PEAK1: variants seen among roughly 807,000 people sequenced by gnomAD.
PEAK1 encodes the protein pseudopodium enriched atypical kinase 1, also known as inactive tyrosine-protein kinase PEAK1.
Under a neutral mutation model 124.7 loss-of-function variants are expected in PEAK1, and 54 were observed. The observed-to-expected ratio is 0.43, with a 90% CI of 0.35 to 0.54. PEAK1 has a LOEUF of 0.54. Ranked by LOEUF, PEAK1 falls within the 20% of genes least tolerant of loss-of-function variation. The pLI is 0.01. For missense variants in PEAK1, 2,046 were observed against 2,134.5 expected (o/e 0.96, Z 0.82); for synonymous variants, 719 against 760.0 (o/e 0.95, Z 0.89).
At chr15:77,265,435 A>G (rs2152946505) in intron 5 of PEAK1, among the ~76,000 whole-genome samples, 1 of 152,338 alleles carries the variant, frequency 6.6e-6, no homozygotes, top group Non-Finnish European at 1.5e-5. Flanking sequence ...CCCATCAAAA[A>G]GTGGGCGAAG....
chr15:77,250,691 C>A lies in PEAK1; in HGVS notation c.-115+1676G>T, dbSNP rs149958409. ...CTTGTGATCTGCCTGCCTCAGCCTC[C>A]CAAAGTGCTGGGATTACAGGCGTAT... is the stretch of plus-strand genomic sequence containing the variant. On this transcript the variant is annotated intron_variant, in intron 6 of 9. Coordinates refer to ENST00000682557, the MANE Select transcript of PEAK1 (RefSeq NM_001385026.1). 4.5e-3 allele frequency among the ~76,000 whole-genome samples: 684 copies of A among 152,164 alleles called. 5 individuals are homozygous for A. Among genetic ancestry groups the A allele is most frequent in the African/African-American group, 0.016 (655 of 41,506 alleles).
At chr15:77,161,108 A>C (rs1009442246) in intron 7 of PEAK1, among the ~76,000 whole-genome samples, 1 of 152,230 alleles carries the variant, frequency 6.6e-6, no homozygotes, top group Admixed American at 6.5e-5. Flanking sequence ...AAATATTAGA[A>C]AACTCACCCG....
chr15:77,180,881 G>A lies in PEAK1; in HGVS notation c.1046C>T (p.Thr349Ile). 3.1e-6 allele frequency: 5 copies of A among 1,613,846 alleles called. No individual in the cohort carries two copies. The highest frequency in any genetic ancestry group is 4.2e-6 in the Non-Finnish European group (5 of 1,179,864). Residue 349 changes from threonine to isoleucine, a missense_variant, in exon 7 of 10, where the codon ACA becomes ATA. By Grantham distance (89) the Thr-to-Ile change is moderately conservative. Coordinates refer to ENST00000682557, the MANE Select transcript of PEAK1 (RefSeq NM_001385026.1). ...SDSTSPDSSL[T>I]EESRSETASS... The stretch of plus-strand genomic sequence containing the variant: ...GGCTGTCTCAGAACGTGATTCTTCT[G>A]TTAAAGAAGAATCTGGTGATGTGGA...
intron 1 of PEAK1, among the ~76,000 whole-genome samples, chr15:77,390,995 G>A (rs918172096): frequency 6.6e-6 from 1 of 152,194 alleles, no homozygotes; most frequent in African/African-American, 2.4e-5. Flanking sequence ...CCCTAGGACT[G>A]TGAGGGTGCA....
At chr15:77,267,614 C>T (rs897142999) in intron 5 of PEAK1, among the ~76,000 whole-genome samples, 1 of 152,166 alleles carries the variant, frequency 6.6e-6, no homozygotes, top group Non-Finnish European at 1.5e-5. Flanking sequence ...ACAGAAATAA[C>T]AATCACTGCA....
chr15:77,102,269 T>A (rs1184009310), exon 7 of PEAK1: 1 of 152,258 alleles, frequency 6.6e-6, no homozygotes, highest in Non-Finnish European at 1.5e-5. Flanking sequence ...ATGTTCCTAA[T>A]GATTTGTATC....
intron 5 of PEAK1, among the ~76,000 whole-genome samples, chr15:77,264,115 A>G (rs2061589756): frequency 6.6e-6 from 1 of 152,234 alleles, no homozygotes; most frequent in Non-Finnish European, 1.5e-5. Flanking sequence ...CAAAATAATA[A>G]GAGCTATCTG....
intron 2 of PEAK1, chr15:77,333,381 G>C (rs1008294113): frequency 1.0e-6 from 1 of 983,396 alleles, no homozygotes; most frequent in Non-Finnish European, 1.2e-6. Flanking sequence ...ACCAATGGTG[G>C]TTTTGTGGTT....
At chr15:77,302,491 TC>T (rs912077454) in intron 2 of PEAK1, among the ~76,000 whole-genome samples, 1 of 152,144 alleles carries the variant, frequency 6.6e-6, no homozygotes, top group Non-Finnish European at 1.5e-5. Context: ...ATTGTTCAAT[TC>T]CAGTATACAT....
chr15:77,323,229 G>C (rs2065347496), intron 2 of PEAK1, among the ~76,000 whole-genome samples: 1 of 152,164 alleles, frequency 6.6e-6, no homozygotes. Context: ...GCACAAGACA[G>C]GGATGCCCTC....
intron 1 of PEAK1, among the ~76,000 whole-genome samples, chr15:77,372,368 T>A (rs1437632473): frequency 6.6e-6 from 1 of 152,186 alleles, no homozygotes; most frequent in East Asian, 1.9e-4. Context: ...TTCTGCACAT[T>A]TGAATTTGTA....
At chr15:77,396,420 C>T (rs1326685498) in intron 1 of PEAK1, among the ~76,000 whole-genome samples, 6 of 151,794 alleles carry the variant, frequency 4.0e-5, no homozygotes, top group African/African-American at 1.5e-4. Flanking sequence ...ACTTACTTAT[C>T]AGTAATAATA....
intron 1 of PEAK1, among the ~76,000 whole-genome samples, chr15:77,372,938 C>T (rs1443629225): frequency 6.6e-6 from 1 of 152,188 alleles, no homozygotes; most frequent in Non-Finnish European, 1.5e-5. Context: ...TGAAGCCTCA[C>T]CAGAACCCTA....
intron 2 of PEAK1, among the ~76,000 whole-genome samples, chr15:77,343,217 C>G (rs1000669769): frequency 6.6e-6 from 1 of 152,142 alleles, no homozygotes; most frequent in South Asian, 2.1e-4. Flanking sequence ...TTGGATTTCC[C>G]TAATGATTAA....
chr15:77,254,383 A>G (rs1044987618), intron 5 of PEAK1, among the ~76,000 whole-genome samples: 12 of 151,760 alleles, frequency 7.9e-5, no homozygotes, highest in Non-Finnish European at 1.8e-4. Flanking sequence ...TTTTCTCTTT[A>G]TTCTTATTTT....
chr15:77,360,401 G>T (rs1382595505), intron 2 of PEAK1, among the ~76,000 whole-genome samples: 1 of 152,064 alleles, frequency 6.6e-6, no homozygotes, highest in African/African-American at 2.4e-5. Context: ...GTGCTTCAAA[G>T]GACAATATCA....
chr15:77,292,030 A>C (rs2063244164), intron 2 of PEAK1, among the ~76,000 whole-genome samples: 1 of 152,126 alleles, frequency 6.6e-6, no homozygotes, highest in East Asian at 1.9e-4. Context: ...ATTTCAAGTA[A>C]AATTAGGACT....
intron 2 of PEAK1, among the ~76,000 whole-genome samples, chr15:77,311,513 T>C (rs1027395884): frequency 4.6e-5 from 7 of 151,562 alleles, no homozygotes; most frequent in African/African-American, 1.7e-4. Context: ...CTGTCTCTAC[T>C]AAAAATACAA....
At chr15:77,140,412 C>T (rs1007838344) in intron 8 of PEAK1, among the ~76,000 whole-genome samples, 4 of 152,122 alleles carry the variant, frequency 2.6e-5, no homozygotes, top group African/African-American at 9.7e-5. Context: ...GGGATTTATT[C>T]CAGGAATGCA....
Sources: gnomAD v4.1 joint callset for allele counts (sites outside exome capture counted in the v4.1 genomes callset) on GRCh38, gnomAD v4.1.1 for gene constraint, MANE v1.5 for transcripts, NCBI Gene and HGNC (gene_info 2026-07-23, HGNC 2026-07-21) for gene names.